The following NCOA1 variants were observed in gnomAD, a reference collection of about 807,000 sequenced individuals.
NCOA1 encodes Hin-2 protein.
In NCOA1, 35 loss-of-function variants were observed where a neutral mutation model predicts 150.9. The observed-to-expected ratio is 0.23, with a 90% CI of 0.18 to 0.31. The LOEUF (loss-of-function observed/expected upper bound fraction) is 0.31, where lower values mean the gene tolerates loss of function less well. NCOA1 is among the 10% of genes least tolerant of loss of function. The pLI, the probability that NCOA1 is intolerant of heterozygous loss-of-function variation, is 1.00. For synonymous variants in NCOA1, 590 were observed against 630.0 expected (o/e 0.94, Z 0.95); for missense variants, 1,491 against 1,749.3 (o/e 0.85, Z 2.63).
At chr2:24,752,306 C>T (rs1664291583) in intron 20 of NCOA1, 150 bp downstream of exon 20, 6 of 889,342 alleles carry the variant, frequency 6.7e-6, no homozygotes, top group South Asian at 6.3e-5. Context: ...ATTTATATGA[C>T]GTTTCCCCGT....
At chr2:24,548,383 C>T (rs1665691936) in intron 1 of NCOA1, among the ~76,000 whole-genome samples, 1 of 152,364 alleles carries the variant, frequency 6.6e-6, no homozygotes, top group East Asian at 1.9e-4. Flanking sequence ...CCTACCAGGT[C>T]TTTCCCACAA....
chr2:24,648,132 GA>G (rs1266584344), intron 4 of NCOA1, among the ~76,000 whole-genome samples: 2 of 151,932 alleles, frequency 1.3e-5, no homozygotes, highest in Non-Finnish European at 2.9e-5. Flanking sequence ...AAATGCTTGG[GA>G]TTTTTTTTTT....
chr2:24,728,246 T>C lies in NCOA1; in HGVS notation c.2718-62T>C. On this transcript the variant is annotated intron_variant, in intron 15 of 22. Transcript: ENST00000348332. The stretch of plus-strand genomic sequence containing the variant: ...CCAAATTTGCATCTATATATGTATA[T>C]AAAGATTGAATAAATTATTTGCTAT... 5 of 1,466,026 alleles carry C rather than the reference T, an allele frequency of 3.4e-6. No homozygotes were observed. In the South Asian group the frequency reaches 6.7e-5, roughly 20 times the overall value. The allele number at this position is 1,466,026 out of a possible 1,614,324, so 90.8% of individuals were successfully genotyped here.
At chr2:24,572,496 A>G (rs1666780855) in intron 2 of NCOA1, among the ~76,000 whole-genome samples, 1 of 152,220 alleles carries the variant, frequency 6.6e-6, no homozygotes, top group Admixed American at 6.5e-5. Flanking sequence ...TCATGAAAGG[A>G]GGCACATAGC....
intron 3 of NCOA1, among the ~76,000 whole-genome samples, chr2:24,593,486 A>G (rs1247672716): frequency 1.3e-5 from 2 of 152,082 alleles, no homozygotes; most frequent in Non-Finnish European, 2.9e-5. Context: ...TCCAAATGTA[A>G]ACATTGAATG....
At chr2:24,754,986 G>A (rs745565575) in intron 20 of NCOA1, among the ~76,000 whole-genome samples, 6 of 152,160 alleles carry the variant, frequency 3.9e-5, no homozygotes, top group Admixed American at 1.3e-4. Context: ...ACTCACACTT[G>A]CTCATTTGGT....
intron 9 of NCOA1, among the ~76,000 whole-genome samples, chr2:24,693,020 C>G (rs2148563186): frequency 6.6e-6 from 1 of 152,206 alleles, no homozygotes; most frequent in Non-Finnish European, 1.5e-5. Flanking sequence ...GCCACCATGC[C>G]CGGCTAATTT....
At chr2:24,672,137 C>CAATAATATATTGTTTAAT (rs55912992) in intron 6 of NCOA1, among the ~76,000 whole-genome samples, 4 of 150,846 alleles carry the variant, frequency 2.7e-5, no homozygotes, top group African/African-American at 9.8e-5. Context: ...ATATATATAA[C>CAATAATATATTGTTTAAT]AATATATTGT....
chr2:24,578,168 A>T (rs967095682), intron 2 of NCOA1, among the ~76,000 whole-genome samples: 1 of 152,176 alleles, frequency 6.6e-6, no homozygotes, highest in Non-Finnish European at 1.5e-5. Flanking sequence ...AGTATTAAGA[A>T]AATCTAGTTT....
At chr2:24,674,350 C>G (rs1295534955) in intron 7 of NCOA1, among the ~76,000 whole-genome samples, 1 of 151,874 alleles carries the variant, frequency 6.6e-6, no homozygotes, top group African/African-American at 2.4e-5. Flanking sequence ...GGACTACAGG[C>G]GCCTGCTACC....
In NCOA1 at chr2:24,734,308, G is replaced by A. The variant is rs7582323; in HGVS notation, c.3201+4493G>A. 4.6e-3 allele frequency among the ~76,000 whole-genome samples: 694 copies of A among 152,194 alleles called. 6 individuals are homozygous for A. The highest frequency in any genetic ancestry group is 0.016 in the African/African-American group (671 of 41,526). The stretch of plus-strand genomic sequence containing the variant: ...TGAAAGAAATTATGTCTCCTAATTG[G>A]TTGTCGCTTGTAAAAAGATGACAGT... On this transcript the variant is annotated intron_variant, in intron 17 of 22. Coordinates refer to ENST00000348332, the MANE Select transcript of NCOA1 (RefSeq NM_003743.5).
intron 1 of NCOA1, among the ~76,000 whole-genome samples, chr2:24,520,651 G>T (rs1031898256): frequency 6.6e-6 from 1 of 152,188 alleles, no homozygotes; most frequent in Non-Finnish European, 1.5e-5. Flanking sequence ...ACTTATGAGA[G>T]TGATGGATAT....
chr2:24,701,191 T>C (rs1371069216), intron 11 of NCOA1, among the ~76,000 whole-genome samples: 1 of 152,042 alleles, frequency 6.6e-6, no homozygotes, highest in Admixed American at 6.6e-5. Flanking sequence ...CTTTGAAATA[T>C]CCATGACATA....
chr2:24,768,173 G>A (rs755393260), intron 22 of NCOA1, 48 bp from the exon 23 acceptor site: 14 of 1,610,374 alleles, frequency 8.7e-6, no homozygotes, highest in East Asian at 2.2e-5. Context: ...CTCATAAGCC[G>A]GGGGGGCAGA....
At chr2:24,611,705 A>G (rs916512250) in intron 3 of NCOA1, among the ~76,000 whole-genome samples, 1 of 151,970 alleles carries the variant, frequency 6.6e-6, no homozygotes. Context: ...CTGTTATTTT[A>G]AAGTCTGTTT....
intron 1 of NCOA1, among the ~76,000 whole-genome samples, chr2:24,534,653 C>T (rs574604482): frequency 3.3e-5 from 5 of 152,192 alleles, no homozygotes; most frequent in African/African-American, 1.2e-4. Context: ...GTTGTGTCTT[C>T]GTTCTCATTG....
At chr2:24,702,317 A>T (rs1324159015) in intron 11 of NCOA1, among the ~76,000 whole-genome samples, 2 of 152,196 alleles carry the variant, frequency 1.3e-5, no homozygotes, top group Non-Finnish European at 2.9e-5. Context: ...TGTACCTAAT[A>T]ACAATTTTTT....
chr2:24,524,827 C>T (rs2148146805), intron 1 of NCOA1, among the ~76,000 whole-genome samples: 1 of 152,312 alleles, frequency 6.6e-6, no homozygotes, highest in South Asian at 2.1e-4. Flanking sequence ...CCACGCTGGT[C>T]TTGAACTCCC....
At chr2:24,643,816 A>G (rs916839921) in intron 3 of NCOA1, 150 bp from the exon 4 acceptor site, 22 of 152,120 alleles carry the variant, frequency 1.4e-4, no homozygotes, top group Admixed American at 5.9e-4. Context: ...TGAGATCTTT[A>G]TTCATTGTCT....
Sources: allele counts gnomAD v4.1 joint callset (sites outside exome capture counted in the v4.1 genomes callset), GRCh38; gene constraint gnomAD v4.1.1; transcripts MANE v1.5; gene names NCBI Gene and HGNC (gene_info 2026-07-23, HGNC 2026-07-21).